Variants in PAPOLA observed in about 807,000 individuals in gnomAD.
PAPOLA encodes poly(A) polymerase alpha.
In PAPOLA, 15 loss-of-function variants were observed where a neutral mutation model predicts 100.6. That is an observed-to-expected ratio of 0.15 (90% CI 0.10 to 0.23). The LOEUF is 0.23. PAPOLA is among the 10% of genes least tolerant of loss of function. The probability of loss-of-function intolerance (pLI) is 1.00; values close to 1 mark genes in which losing one functional copy is unlikely to be tolerated. For synonymous variants in PAPOLA, 293 were observed against 300.0 expected (o/e 0.98, Z 0.24); for missense variants, 533 against 884.2 (o/e 0.60, Z 5.04).
chr14:96,549,821 A>G lies in PAPOLA; in HGVS notation c.1521+1903A>G, dbSNP rs1231290329. 3.3e-5 allele frequency among the ~76,000 whole-genome samples: 5 copies of G among 152,188 alleles called. No individual in the cohort carries two copies. The South Asian group carries it at 8.3e-4, about 25-fold the overall frequency. ...GTTGTATTATTAATAGGTTAAATCA[A>G]TTGTACTTAAATGTAAATTTATCAC... On this transcript the variant is annotated intron_variant, in intron 16 of 21. Coordinates refer to ENST00000216277, the MANE Select transcript of PAPOLA (RefSeq NM_032632.5).
chr14:96,541,376 T>C (rs188928450), intron 12 of PAPOLA, among the ~76,000 whole-genome samples: 1 of 152,278 alleles, frequency 6.6e-6, no homozygotes, highest in African/African-American at 2.4e-5. Flanking sequence ...TTGAAACTAG[T>C]GTCAGTACTA....
At chr14:96,563,618 A>G (rs1171437888) in intron 21 of PAPOLA, among the ~76,000 whole-genome samples, 1 of 152,134 alleles carries the variant, frequency 6.6e-6, no homozygotes, top group Non-Finnish European at 1.5e-5. Flanking sequence ...ATATGATACT[A>G]TGTACTATGA....
chr14:96,534,180 A>G, intron 9 of PAPOLA: 4 of 1,122,124 alleles, frequency 3.6e-6, no homozygotes, highest in Non-Finnish European at 4.4e-6. Context: ...TATTCTGTTC[A>G]AGGTTGAAGT....
intron 15 of PAPOLA, among the ~76,000 whole-genome samples, chr14:96,545,241 CACTA>C (rs1171386893): frequency 6.6e-6 from 1 of 151,994 alleles, no homozygotes; most frequent in East Asian, 1.9e-4. Flanking sequence ...CAGTATCGTA[CACTA>C]ACTGTGATAT....
intron 10 of PAPOLA, chr14:96,535,379 A>AC (rs771079887): frequency 2.2e-5 from 22 of 979,688 alleles, no homozygotes; most frequent in Non-Finnish European, 2.7e-5. Context: ...AATTAACAGT[A>AC]TATCATTTCA....
intron 11 of PAPOLA, 85 bp from the exon 12 acceptor site, chr14:96,536,891 G>T: frequency 1.3e-6 from 1 of 757,000 alleles, no homozygotes; most frequent in South Asian, 1.5e-5. Context: ...GGATTATAGT[G>T]AGTGCATGTA....
chr14:96,546,726 TG>T (rs1383264431), intron 15 of PAPOLA, among the ~76,000 whole-genome samples: 2 of 152,152 alleles, frequency 1.3e-5, no homozygotes, highest in African/African-American at 4.8e-5. Flanking sequence ...GAACAGGGTT[TG>T]TTACTAGATG....
rs1254467694 is a variant in PAPOLA at position 96,532,660 on chromosome 14, A to C, written c.836+11A>C. Reference sequence around the variant, plus strand: ...GGTATTTTCTAAATGGTATGTGTTTAGATTATATTAAAATAAAATTGATTG... The same window carrying C: ...GGTATTTTCTAAATGGTATGTGTTTCGATTATATTAAAATAAAATTGATTG... On this transcript the variant is annotated intron_variant, in intron 9 of 21. Coordinates refer to ENST00000216277, the MANE Select transcript of PAPOLA (RefSeq NM_032632.5). 5 of 1,567,180 alleles carry C rather than the reference A, an allele frequency of 3.2e-6. No homozygotes were observed. Among genetic ancestry groups the C allele is most frequent in the Non-Finnish European group, 3.4e-6 (4 of 1,161,640 alleles).
At chr14:96,520,945 C>T in intron 2 of PAPOLA, 61 bp from the exon 3 acceptor site, 1 of 845,088 alleles carries the variant, frequency 1.2e-6, no homozygotes, top group Non-Finnish European at 2.0e-6. Flanking sequence ...CTATTTAAAA[C>T]TTTAAGAAAT....
chr14:96,507,061 G>A (rs536184443), intron 1 of PAPOLA, among the ~76,000 whole-genome samples: 2 of 152,248 alleles, frequency 1.3e-5, no homozygotes, highest in African/African-American at 4.8e-5. Context: ...AGACCAGCCT[G>A]GGTGACATAG....
At chr14:96,511,509 C>T (rs1489396464) in intron 1 of PAPOLA, among the ~76,000 whole-genome samples, 2 of 152,078 alleles carry the variant, frequency 1.3e-5, no homozygotes, top group Non-Finnish European at 2.9e-5. Flanking sequence ...GCCTAGATTA[C>T]GCCTCTCCTT....
intron 1 of PAPOLA, among the ~76,000 whole-genome samples, chr14:96,518,534 C>T (rs1002342393): frequency 5.3e-5 from 8 of 151,620 alleles, no homozygotes; most frequent in African/African-American, 4.8e-5. Context: ...TCAGCCTCTC[C>T]GAGTAGCTGG....
intron 9 of PAPOLA, chr14:96,533,252 T>A: frequency 1.0e-6 from 1 of 984,418 alleles, no homozygotes; most frequent in African/African-American, 1.7e-5. Flanking sequence ...TTACTGCCAT[T>A]TTATATTAAT....
At chr14:96,533,190 G>A (rs1001521437) in intron 9 of PAPOLA, 18 of 983,374 alleles carry the variant, frequency 1.8e-5, no homozygotes, top group African/African-American at 1.8e-4. Flanking sequence ...AAGTTTCTTC[G>A]TTTCATTTCC....
chr14:96,557,615 A>G (rs935431283), intron 19 of PAPOLA, among the ~76,000 whole-genome samples: 4 of 151,764 alleles, frequency 2.6e-5, no homozygotes, highest in Admixed American at 1.3e-4. Context: ...ACTTACTACA[A>G]CACAATTTCT....
intron 1 of PAPOLA, among the ~76,000 whole-genome samples, chr14:96,507,300 T>G (rs1896792143): frequency 7.3e-6 from 1 of 136,456 alleles, no homozygotes; most frequent in Non-Finnish European, 1.6e-5. Flanking sequence ...TTTTTTTTTT[T>G]TTTTTGAGAC....
intron 1 of PAPOLA, among the ~76,000 whole-genome samples, chr14:96,503,376 C>CTTGA (rs1896469665): frequency 6.6e-6 from 1 of 151,734 alleles, no homozygotes; most frequent in Non-Finnish European, 1.5e-5. Context: ...GGTTGTAAGG[C>CTTGA]TTGAAGCTAG....
intron 15 of PAPOLA, among the ~76,000 whole-genome samples, chr14:96,546,013 A>G (rs78541927): frequency 0.055 from 8,337 of 152,220 alleles, 229 homozygotes; most frequent in Non-Finnish European, 0.058. Context: ...GGAAATATTT[A>G]GTTGTCCTGT....
chr14:96,510,549 A>G (rs1267508985), intron 1 of PAPOLA, among the ~76,000 whole-genome samples: 2 of 152,194 alleles, frequency 1.3e-5, no homozygotes, highest in Non-Finnish European at 2.9e-5. Flanking sequence ...TAACTTGGCC[A>G]TTGTAGTAAT....
Sources: allele counts gnomAD v4.1 joint callset (sites outside exome capture counted in the v4.1 genomes callset), GRCh38; gene constraint gnomAD v4.1.1; transcripts MANE v1.5; gene names NCBI Gene and HGNC (gene_info 2026-07-23, HGNC 2026-07-21).